Variants in ACSM3 observed in about 807,000 individuals in gnomAD.
ACSM3 encodes the protein acyl-coenzyme A synthetase ACSM3, mitochondrial.
Under a neutral mutation model 74.1 loss-of-function variants are expected in ACSM3, and 61 were observed. That is an observed-to-expected ratio of 0.82 (90% CI 0.67 to 1.02). The LOEUF (loss-of-function observed/expected upper bound fraction) is 1.02, where lower values mean the gene tolerates loss of function less well. Ranked by LOEUF, ACSM3 falls within the 50% of genes least tolerant of loss-of-function variation. The pLI is 0.00. For missense variants in ACSM3, 660 were observed against 697.0 expected, an observed-to-expected ratio of 0.95 and a Z score of 0.60; for synonymous variants, 213 against 241.5, an observed-to-expected ratio of 0.88 and a Z score of 1.09.
intron 7 of ACSM3, among the ~76,000 whole-genome samples, chr16:20,782,143 A>C (rs372818846): frequency 2.0e-5 from 3 of 152,186 alleles, no homozygotes; most frequent in African/African-American, 7.2e-5. Flanking sequence ...AAGAGGATGC[A>C]TATCTTTTAT....
intron 1 of ACSM3, among the ~76,000 whole-genome samples, chr16:20,695,687 C>G (rs2079686264): frequency 6.6e-6 from 1 of 151,962 alleles, no homozygotes; most frequent in Admixed American, 6.6e-5. Flanking sequence ...TATCATCTAT[C>G]TATCTATCTA....
At position 20,775,961 on chromosome 16, in the gene ACSM3, C is replaced by G. The variant is rs1278184101; in HGVS notation, c.342C>G (p.Ala114=). 3.1e-6 allele frequency: 5 copies of G among 1,614,162 alleles called. No homozygotes were observed. The highest frequency in any genetic ancestry group is 2.2e-5 in the South Asian group (2 of 91,076). The change falls in exon 3 of 14, where the codon GCC becomes GCG. Residue 114 remains alanine (A), a synonymous_variant. Coordinates refer to ENST00000289416, the MANE Select transcript of ACSM3 (RefSeq NM_005622.4). The stretch of plus-strand genomic sequence containing the variant: ...AATTTGCCAATATACTTTCAGAAGC[C>G]TGTTCCCTACAAAGAGGAGATCGGG... The part of the protein sequence containing the change: ...SRKFANILSE[A]CSLQRGDRVI...
intron 7 of ACSM3, chr16:20,783,371 CT>C (rs2080396035): frequency 6.6e-6 from 1 of 152,160 alleles, no homozygotes; most frequent in Non-Finnish European, 1.5e-5. Flanking sequence ...GACCAGAAGT[CT>C]TTTGGATTTC....
chr16:20,700,598 A>C (rs2079710489), intron 1 of ACSM3, among the ~76,000 whole-genome samples: 1 of 149,424 alleles, frequency 6.7e-6, no homozygotes, highest in South Asian at 2.1e-4. Flanking sequence ...GAGAAGTATG[A>C]TAAAGTGTGA....
At chr16:20,764,300 G>C (rs1158409998) in intron 1 of ACSM3, among the ~76,000 whole-genome samples, 175 bp downstream of exon 1, 3 of 152,246 alleles carry the variant, frequency 2.0e-5, no homozygotes, top group Admixed American at 6.5e-5. Context: ...TCTATTAAGT[G>C]ATGAGGAGTA....
At chr16:20,760,187 G>A (rs1169422104), upstream of ACSM3, among the ~76,000 whole-genome samples, 1 of 152,268 alleles carries the variant, frequency 6.6e-6, no homozygotes, top group Admixed American at 6.5e-5. Flanking sequence ...AGGCCCTGAA[G>A]AAAATCAAAG....
intron 1 of ACSM3, among the ~76,000 whole-genome samples, chr16:20,684,469 G>T (rs2152316958): frequency 6.6e-6 from 1 of 152,358 alleles, no homozygotes; most frequent in Non-Finnish European, 1.5e-5. Flanking sequence ...ACCCCCTGAT[G>T]TGATGCACAG....
Position 20,790,718 on chromosome 16 carries a change from C to A in ACSM3, c.1326+30C>A. The A allele has an allele frequency of 6.2e-7, 1 of 1,613,958 alleles. No individual in the cohort carries two copies. Among genetic ancestry groups the A allele is most frequent in the Non-Finnish European group, 8.5e-7 (1 of 1,179,898 alleles). Reference sequence around the variant, plus strand: ...GTGACTTACTAAATAATCTCATTTTCTATTTATTTCTCAAGTGCTTGGTAA... The same window carrying A: ...GTGACTTACTAAATAATCTCATTTTATATTTATTTCTCAAGTGCTTGGTAA... On this transcript the variant is annotated intron_variant, in intron 10 of 13. Transcript: ENST00000289416. This position sits in a 1 kb window ranked among gnomAD's most constrained non-coding sequence, Gnocchi z 4.0.
At chr16:20,723,684 T>C (rs2079794430) in intron 1 of ACSM3, among the ~76,000 whole-genome samples, 1 of 152,242 alleles carries the variant, frequency 6.6e-6, no homozygotes, top group East Asian at 1.9e-4. Context: ...AATGTCTTCT[T>C]TTGAGAAGTG....
At chr16:20,752,083 G>A (rs1428917893) in intron 2 of ACSM3, among the ~76,000 whole-genome samples, 1 of 152,166 alleles carries the variant, frequency 6.6e-6, no homozygotes, top group African/African-American at 2.4e-5. Flanking sequence ...CATTCAACAA[G>A]TGAGGCTGAG....
At chr16:20,743,413 A>ACTTATCATGTTACT (rs2079944827) in intron 1 of ACSM3, among the ~76,000 whole-genome samples, 1 of 152,122 alleles carries the variant, frequency 6.6e-6, no homozygotes, top group Non-Finnish European at 1.5e-5. Flanking sequence ...TTTTATCCAT[A>ACTTATCATGTTACT]GTCTTGGCAA....
At chr16:20,745,449 G>A (rs2079953628) in intron 1 of ACSM3, among the ~76,000 whole-genome samples, 1 of 152,112 alleles carries the variant, frequency 6.6e-6, no homozygotes, top group African/African-American at 2.4e-5. Flanking sequence ...TGGGCATGGT[G>A]GTGCATGCCT....
rs772081676 is a variant in ACSM3 at position 20,770,254 on chromosome 16, G to A, written c.219+1G>A. ...GGACCAATGGACTGATAAGGAAAAG[G>A]TATGGGGGGAGGGCCAGTCAGACCA... On this transcript the variant is annotated splice_donor_variant, in intron 2 of 13. Transcript: ENST00000289416. LOFTEE classifies it high-confidence loss of function. The A allele has an allele frequency of 6.2e-7, 1 of 1,613,342 alleles. No individual in the cohort carries two copies. The highest frequency in any genetic ancestry group is 8.5e-7 in the Non-Finnish European group (1 of 1,179,300).
At chr16:20,734,539 A>G (rs1314934241) in intron 1 of ACSM3, 1 of 152,220 alleles carries the variant, frequency 6.6e-6, no homozygotes, top group Admixed American at 6.5e-5. Context: ...TAGCCATTAA[A>G]TGAACATAGC....
intron 1 of ACSM3, among the ~76,000 whole-genome samples, chr16:20,766,420 G>A (rs867212733): frequency 1.2e-4 from 19 of 152,046 alleles, no homozygotes; most frequent in African/African-American, 4.1e-4. Flanking sequence ...TTGGGAGGCC[G>A]TGTGCGTGTT....
At chr16:20,676,942 C>T (rs1180437985) in intron 1 of ACSM3, among the ~76,000 whole-genome samples, 2 of 152,110 alleles carry the variant, frequency 1.3e-5, no homozygotes, top group African/African-American at 2.4e-5. Context: ...CTGTGAAAGG[C>T]AGGACATAAA....
At chr16:20,710,488 T>TA (rs2079740726) in intron 1 of ACSM3, among the ~76,000 whole-genome samples, 1 of 152,330 alleles carries the variant, frequency 6.6e-6, no homozygotes, top group Admixed American at 6.5e-5. Flanking sequence ...CAGTAATTTT[T>TA]AATTTTATTA....
intron 1 of ACSM3, among the ~76,000 whole-genome samples, chr16:20,691,754 T>C (rs1442090346): frequency 0.039 from 526 of 13,578 alleles, 6 homozygotes; most frequent in South Asian, 0.11. Flanking sequence ...CTCTCCAATG[T>C]GTGTGTGTGT....
chr16:20,776,420 G>A (rs1246014189), intron 3 of ACSM3, among the ~76,000 whole-genome samples: 2 of 152,194 alleles, frequency 1.3e-5, no homozygotes, highest in African/African-American at 4.8e-5. Flanking sequence ...CCAGACATGT[G>A]TTCCCCAATC....
Sources: gnomAD v4.1 joint callset for allele counts (sites outside exome capture counted in the v4.1 genomes callset) on GRCh38, gnomAD v4.1.1 for gene constraint, Gnocchi (gnomAD v3.1) non-coding constraint, MANE v1.5 for transcripts, NCBI Gene and HGNC (gene_info 2026-07-23, HGNC 2026-07-21) for gene names.